ADGRL2: variants seen among roughly 807,000 people sequenced by gnomAD.
ADGRL2 encodes adhesion G protein-coupled receptor L2, also known as calcium-independent alpha-latrotoxin receptor 2.
Under a neutral mutation model 157.4 loss-of-function variants are expected in ADGRL2, and 44 were observed. That is an observed-to-expected ratio of 0.28 (90% CI 0.22 to 0.36). ADGRL2 has a LOEUF of 0.36. Among genes scored for constraint, ADGRL2 ranks in the 10% least tolerant of loss-of-function variants. ADGRL2 has a pLI of 1.00. For synonymous variants in ADGRL2, 585 were observed against 624.7 expected, an observed-to-expected ratio of 0.94 and a Z score of 0.95; for missense variants, 1,510 against 1,768.9, an observed-to-expected ratio of 0.85 and a Z score of 2.63.
intron 3 of ADGRL2, among the ~76,000 whole-genome samples, chr1:81,679,887 G>A (rs9661521): frequency 0.13 from 19,152 of 152,120 alleles, 1,605 homozygotes; most frequent in Middle Eastern, 0.21. Flanking sequence ...TGGGAACCTC[G>A]TAAAATGGTT....
intron 3 of ADGRL2, among the ~76,000 whole-genome samples, chr1:81,633,310 T>G (rs886335407): frequency 1.3e-5 from 2 of 151,992 alleles, no homozygotes; most frequent in African/African-American, 2.4e-5. Flanking sequence ...AAAGAGAACA[T>G]GCTGGGCGGG....
At position 81,881,774 on chromosome 1, in the gene ADGRL2, C is replaced by A. The variant is rs536757243; in HGVS notation, c.74-25243C>A. Reference sequence around the variant, plus strand: ...CGTGTATGGATTGGTGATGTTTCATCTGTTTCTTTGCTTCCCCTGTAGACC... The same window carrying A: ...CGTGTATGGATTGGTGATGTTTCATATGTTTCTTTGCTTCCCCTGTAGACC... On this transcript the variant is annotated intron_variant, in intron 2 of 23. Coordinates refer to ENST00000686636, the MANE Select transcript of ADGRL2 (RefSeq NM_001366006.2). 3.3e-5 allele frequency among the ~76,000 whole-genome samples: 5 copies of A among 152,308 alleles called. No individual in the cohort carries two copies. The South Asian group carries it at 1.0e-3, about 32-fold the overall frequency.
chr1:81,889,127 A>G (rs557865906), intron 2 of ADGRL2, among the ~76,000 whole-genome samples: 1 of 152,290 alleles, frequency 6.6e-6, no homozygotes, highest in East Asian at 1.9e-4. Flanking sequence ...ATAATCCTAC[A>G]ACGGCCTATA....
intron 3 of ADGRL2, among the ~76,000 whole-genome samples, chr1:81,921,124 G>A (rs944607038): frequency 6.6e-6 from 1 of 152,102 alleles, no homozygotes; most frequent in African/African-American, 2.4e-5. Flanking sequence ...TGCTGAAATG[G>A]AAAAGTTTAA....
At chr1:81,466,993 T>G (rs1379797442) in intron 2 of ADGRL2, among the ~76,000 whole-genome samples, 1 of 151,260 alleles carries the variant, frequency 6.6e-6, no homozygotes, top group African/African-American at 2.4e-5. Context: ...CCTTTCTTCC[T>G]TCACACCAGC....
chr1:81,877,061 C>G (rs1436783587), intron 2 of ADGRL2, among the ~76,000 whole-genome samples: 1 of 152,136 alleles, frequency 6.6e-6, no homozygotes, highest in African/African-American at 2.4e-5. Context: ...GTTCCTGTCT[C>G]CTGGCCATCC....
At chr1:81,832,367 A>G (rs1374643153) in intron 1 of ADGRL2, among the ~76,000 whole-genome samples, 1 of 151,926 alleles carries the variant, frequency 6.6e-6, no homozygotes, top group African/African-American at 2.4e-5. Flanking sequence ...CTGGTCTCGA[A>G]CTCCTGACCT....
In ADGRL2 at chr1:81,992,905, A is replaced by C; in HGVS notation, c.*1760A>C. On this transcript the variant is annotated 3_prime_UTR_variant, in exon 24 of 24. Coordinates refer to ENST00000686636, the MANE Select transcript of ADGRL2 (RefSeq NM_001366006.2). ...ATAGATGTTTTCTGTTTGTATCATAAGCATTTATAGAAAATTATTCTAAAG... is the reference window on the plus strand; with the variant it reads ...ATAGATGTTTTCTGTTTGTATCATACGCATTTATAGAAAATTATTCTAAAG... Among the ~76,000 whole-genome samples, 1 of 151,364 alleles carries C rather than the reference A, an allele frequency of 6.6e-6. No homozygotes were observed. The highest frequency in any genetic ancestry group is 1.9e-4 in the East Asian group (1 of 5,170).
At chr1:81,762,940 T>G (rs1165333900) in intron 2 of ADGRL2, among the ~76,000 whole-genome samples, 1 of 150,480 alleles carries the variant, frequency 6.6e-6, no homozygotes, top group Non-Finnish European at 1.5e-5. Context: ...TAGTCCCAGC[T>G]GCTCAGGAGG....
chr1:81,622,752 C>T (rs1214345924), intron 3 of ADGRL2, among the ~76,000 whole-genome samples: 1 of 152,208 alleles, frequency 6.6e-6, no homozygotes, highest in African/African-American at 2.4e-5. Context: ...GAGACCCTGT[C>T]TCTTAAAAAC....
chr1:81,442,651 T>G (rs1044419955), intron 1 of ADGRL2, among the ~76,000 whole-genome samples: 3 of 132,826 alleles, frequency 2.3e-5, no homozygotes, highest in East Asian at 3.9e-4. Context: ...TAAAACATGG[T>G]ACTCGGGAGC....
chr1:81,386,231 T>A (rs2076432467), intron 1 of ADGRL2, among the ~76,000 whole-genome samples: 1 of 152,090 alleles, frequency 6.6e-6, no homozygotes, highest in East Asian at 1.9e-4. Flanking sequence ...ACAGACACAG[T>A]CTCTTTTATA....
chr1:81,617,491 C>T (rs912603135), intron 3 of ADGRL2, among the ~76,000 whole-genome samples: 24 of 152,342 alleles, frequency 1.6e-4, no homozygotes, highest in Middle Eastern at 3.4e-3. Context: ...CTGTTGCAAT[C>T]TCCCCAATTG....
intron 1 of ADGRL2, among the ~76,000 whole-genome samples, chr1:81,707,499 T>A (rs991611653): frequency 2.0e-5 from 3 of 152,208 alleles, no homozygotes; most frequent in African/African-American, 7.2e-5. Flanking sequence ...TTAAAAGCTA[T>A]AGAATTCTCA....
chr1:81,510,497 A>G (rs2079055896), intron 2 of ADGRL2, among the ~76,000 whole-genome samples: 1 of 152,200 alleles, frequency 6.6e-6, no homozygotes, highest in Non-Finnish European at 1.5e-5. Context: ...TATGAAATAC[A>G]TATGGTACTC....
At chr1:81,984,988 T>C (rs1399422823) in intron 20 of ADGRL2, among the ~76,000 whole-genome samples, 1 of 152,080 alleles carries the variant, frequency 6.6e-6, no homozygotes, top group East Asian at 1.9e-4. Flanking sequence ...AGGCACTCAA[T>C]AAACATATAT....
chr1:81,779,366 A>G (rs925535795), intron 2 of ADGRL2, among the ~76,000 whole-genome samples: 2 of 147,710 alleles, frequency 1.4e-5, no homozygotes, highest in South Asian at 2.3e-4. Flanking sequence ...ACAGGAAGAA[A>G]CATAAAAGAA....
intron 1 of ADGRL2, among the ~76,000 whole-genome samples, chr1:81,417,398 CTTTAT>C (rs2077051169): frequency 6.6e-6 from 1 of 151,956 alleles, no homozygotes; most frequent in Non-Finnish European, 1.5e-5. Context: ...TTCTTTAATA[CTTTAT>C]TTTATAATTT....
At chr1:81,578,081 C>A (rs1046065795) in intron 2 of ADGRL2, among the ~76,000 whole-genome samples, 11 of 152,036 alleles carry the variant, frequency 7.2e-5, no homozygotes, top group African/African-American at 2.2e-4. Flanking sequence ...TTTTAAGCAC[C>A]ATTAAAACCT....
Sources: allele counts gnomAD v4.1 joint callset (sites outside exome capture counted in the v4.1 genomes callset), GRCh38; gene constraint gnomAD v4.1.1; transcripts MANE v1.5; gene names NCBI Gene and HGNC (gene_info 2026-07-23, HGNC 2026-07-21).